TNKS: variants seen among roughly 807,000 people sequenced by gnomAD.
The protein encoded by TNKS is tankyrase.
Under a neutral mutation model 135.8 loss-of-function variants are expected in TNKS, and 72 were observed. The observed-to-expected ratio is 0.53, with a 90% CI of 0.44 to 0.64. The LOEUF is 0.64. Ranked by LOEUF, TNKS falls within the 30% of genes least tolerant of loss-of-function variation. The probability of loss-of-function intolerance (pLI) is 0.00; values close to 1 mark genes in which losing one functional copy is unlikely to be tolerated. For missense variants in TNKS, 1,769 were observed against 1,674.0 expected (o/e 1.06, Z -0.99); for synonymous variants, 849 against 649.3 (o/e 1.31, Z -4.68).
At chr8:9,753,176 T>C (rs775592571) in intron 20 of TNKS, among the ~76,000 whole-genome samples, 2 of 152,190 alleles carry the variant, frequency 1.3e-5, no homozygotes, top group Non-Finnish European at 2.9e-5. Flanking sequence ...ATGTCAAAAC[T>C]TAGACCATGC....
intron 20 of TNKS, among the ~76,000 whole-genome samples, chr8:9,759,706 G>A (rs1807040495): frequency 6.6e-6 from 1 of 152,160 alleles, no homozygotes; most frequent in South Asian, 2.1e-4. Flanking sequence ...CAGGCGCGGT[G>A]GCTCACGCCT....
At chr8:9,672,196 T>G in intron 3 of TNKS, among the ~76,000 whole-genome samples, 1 of 152,222 alleles carries the variant, frequency 6.6e-6, no homozygotes, top group Non-Finnish European at 1.5e-5. Context: ...CTATGCCTAG[T>G]TTATAAATTA....
At chr8:9,707,956 C>T (rs1246661995) in intron 8 of TNKS, among the ~76,000 whole-genome samples, 1 of 152,138 alleles carries the variant, frequency 6.6e-6, no homozygotes, top group Non-Finnish European at 1.5e-5. Flanking sequence ...TCAGCCTGTC[C>T]TTTCTTTTTT....
At chr8:9,611,158 G>A (rs763548560) in intron 2 of TNKS, among the ~76,000 whole-genome samples, 36 of 152,106 alleles carry the variant, frequency 2.4e-4, no homozygotes, top group African/African-American at 7.0e-4. Flanking sequence ...TTCTCCGCCC[G>A]TCTTACCTCG....
At chr8:9,630,171 A>C (rs773612960) in intron 3 of TNKS, among the ~76,000 whole-genome samples, 15 of 152,086 alleles carry the variant, frequency 9.9e-5, no homozygotes, top group Non-Finnish European at 1.9e-4. Flanking sequence ...CCCACCCCTG[A>C]CTTTCAGTAC....
intron 25 of TNKS, among the ~76,000 whole-genome samples, chr8:9,767,896 T>C (rs1462947166): frequency 1.3e-5 from 2 of 150,122 alleles, no homozygotes; most frequent in South Asian, 4.2e-4. Context: ...GAGGCGGAGG[T>C]TGCAGTGAGC....
chr8:9,750,657 C>G (rs1035636104), intron 18 of TNKS, among the ~76,000 whole-genome samples: 1 of 152,184 alleles, frequency 6.6e-6, no homozygotes, highest in Non-Finnish European at 1.5e-5. Flanking sequence ...CACATGTCCA[C>G]CAGCACCCCA....
intron 5 of TNKS, among the ~76,000 whole-genome samples, chr8:9,684,725 C>T (rs1802914760): frequency 6.6e-6 from 1 of 152,072 alleles, no homozygotes; most frequent in African/African-American, 2.4e-5. Flanking sequence ...CCCTCTGCTC[C>T]TTTCATTCAT....
chr8:9,673,407 T>A, intron 3 of TNKS, among the ~76,000 whole-genome samples: 1 of 151,632 alleles, frequency 6.6e-6, no homozygotes, highest in East Asian at 1.9e-4. Context: ...TAATATAGGA[T>A]AATAGAGTTG....
chr8:9,741,745 C>G (rs146125159), intron 17 of TNKS: 2 of 529,406 alleles, frequency 3.8e-6, no homozygotes, highest in East Asian at 5.5e-5. Flanking sequence ...TCTTGTGGCT[C>G]AAGCGTAATG....
chr8:9,731,811 A>C (rs1436948604), intron 14 of TNKS, among the ~76,000 whole-genome samples: 1 of 152,166 alleles, frequency 6.6e-6, no homozygotes, highest in Non-Finnish European at 1.5e-5. Flanking sequence ...TTTTTGAGAC[A>C]GAGTCTCGCT....
rs187684623 is a variant in TNKS, at chr8:9,753,704, C to A, written c.3153+1078C>A. ...TATTCTCCCAGGTGTAGGGATCACC[C>A]TTGTATAATAACACCCATGTTAGTC... On this transcript the variant is annotated intron_variant, in intron 20 of 26. Transcript: ENST00000310430. Among the ~76,000 whole-genome samples the A allele has an allele frequency of 1.5e-4, 23 of 152,214 alleles. No individual in the cohort carries two copies. In the East Asian group the frequency reaches 4.4e-3, roughly 29 times the overall value.
intron 26 of TNKS, 92 bp downstream of exon 26, chr8:9,770,354 A>G: frequency 2.3e-6 from 3 of 1,297,712 alleles, no homozygotes; most frequent in Non-Finnish European, 3.2e-6. Context: ...TTTCAGTGAA[A>G]TATCCACCAC....
intron 1 of TNKS, 120 bp downstream of exon 1, chr8:9,556,732 C>A: frequency 8.7e-7 from 1 of 1,153,070 alleles, no homozygotes; most frequent in Non-Finnish European, 1.2e-6. Context: ...TTCTTCATCA[C>A]CTCACCAGAA....
chr8:9,700,574 A>G (rs1160535555), intron 5 of TNKS, among the ~76,000 whole-genome samples: 4 of 148,756 alleles, frequency 2.7e-5, no homozygotes, highest in Admixed American at 6.7e-5. Flanking sequence ...ACCTCACATT[A>G]TTTCCCTCTG....
chr8:9,608,502 T>C (rs1178505805), intron 2 of TNKS, among the ~76,000 whole-genome samples: 1 of 152,100 alleles, frequency 6.6e-6, no homozygotes, highest in African/African-American at 2.4e-5. Flanking sequence ...CTGCTCTTTC[T>C]CTAGCACCTT....
chr8:9,689,335 G>C (rs1176203106), intron 5 of TNKS, among the ~76,000 whole-genome samples: 1 of 152,046 alleles, frequency 6.6e-6, no homozygotes, highest in African/African-American at 2.4e-5. Context: ...CTAATTTAAA[G>C]AAATGTTTTT....
chr8:9,646,575 A>G (rs1331746578), intron 3 of TNKS, among the ~76,000 whole-genome samples: 1 of 152,134 alleles, frequency 6.6e-6, no homozygotes, highest in African/African-American at 2.4e-5. Context: ...TTCCCTTTTA[A>G]GTGGAATCAA....
rs572237525 is a variant in TNKS, at chr8:9,700,132, C to T, written c.1108-4531C>T. The stretch of plus-strand genomic sequence containing the variant: ...TTAGACCAGCATCCTCCAGCCTTCC[C>T]GGGTGTCCTGAACTCCCCTTCCATG... On this transcript the variant is annotated intron_variant, in intron 5 of 26. Coordinates refer to ENST00000310430, the MANE Select transcript of TNKS (RefSeq NM_003747.3). Among the ~76,000 whole-genome samples the T allele has an allele frequency of 1.4e-4, 21 of 152,228 alleles. No individual in the cohort carries two copies. The East Asian group carries it at 3.1e-3, about 22-fold the overall frequency.
Sources: gnomAD v4.1 joint callset for allele counts (sites outside exome capture counted in the v4.1 genomes callset) on GRCh38, gnomAD v4.1.1 for gene constraint, MANE v1.5 for transcripts, NCBI Gene and HGNC (gene_info 2026-07-23, HGNC 2026-07-21) for gene names.